The following UBE2W variants were observed in gnomAD, a reference collection of about 807,000 sequenced individuals.
UBE2W encodes the protein ubiquitin-conjugating enzyme E2 W.
Under a neutral mutation model 27.2 loss-of-function variants are expected in UBE2W, and 18 were observed. The ratio of observed to expected loss-of-function variants is 0.66; its 90% CI spans 0.46 to 0.98. The LOEUF (loss-of-function observed/expected upper bound fraction) is 0.98, where lower values mean the gene tolerates loss of function less well. UBE2W is among the 50% of genes least tolerant of loss of function. The pLI, the probability that UBE2W is intolerant of heterozygous loss-of-function variation, is 0.00. For synonymous variants in UBE2W, 53 were observed against 57.2 expected (o/e 0.93, Z 0.33); for missense variants, 90 against 180.2 (o/e 0.50, Z 2.87).
At chr8:73,839,138 T>A (rs949582952) in intron 1 of UBE2W, among the ~76,000 whole-genome samples, 1 of 152,096 alleles carries the variant, frequency 6.6e-6, no homozygotes, top group African/African-American at 2.4e-5. Context: ...CTGGACACCC[T>A]CCACCGGTAA....
chr8:73,877,934 GGGGGATAT>G (rs1304050612), intron 1 of UBE2W, among the ~76,000 whole-genome samples: 2 of 152,180 alleles, frequency 1.3e-5, no homozygotes, highest in African/African-American at 4.8e-5. Context: ...TGCTAAGTCG[GGGGGATAT>G]GGCACAGGTT....
chr8:73,811,379 T>G (rs1469480109), intron 3 of UBE2W, among the ~76,000 whole-genome samples: 1 of 152,142 alleles, frequency 6.6e-6, no homozygotes, highest in East Asian at 1.9e-4. Flanking sequence ...ACAAATATCT[T>G]AAAGTAGTTT....
intron 5 of UBE2W, among the ~76,000 whole-genome samples, chr8:73,799,181 A>G (rs931736732): frequency 1.3e-5 from 2 of 152,122 alleles, no homozygotes; most frequent in Non-Finnish European, 2.9e-5. Flanking sequence ...AAAGACCTCT[A>G]AACACTAATG....
At chr8:73,833,932 T>G (rs982233851) in intron 1 of UBE2W, 3 of 152,164 alleles carry the variant, frequency 2.0e-5, no homozygotes, top group Admixed American at 2.0e-4. Flanking sequence ...GGTCACCATA[T>G]TGATGCCGAA....
chr8:73,870,827 GAA>G (rs60577226), intron 1 of UBE2W, among the ~76,000 whole-genome samples: 7,493 of 99,536 alleles, frequency 0.075, 227 homozygotes, highest in African/African-American at 0.1. Flanking sequence ...TGAGTGAAAA[GAA>G]AAAAAAAAAA....
At chr8:73,805,472 C>CAAACAAAAAAAAAAAAACAAAAACAA (rs1254739442) in intron 5 of UBE2W, among the ~76,000 whole-genome samples, 179 bp downstream of exon 5, 1 of 43,676 alleles carries the variant, frequency 2.3e-5, no homozygotes, top group Non-Finnish European at 5.0e-5. Context: ...AAAAAAAAAA[C>CAAACAAAAAAAAAAAAACAAAAACAA]AAAAAAAACT....
chr8:73,818,272 T>C (rs1017455180), intron 3 of UBE2W, among the ~76,000 whole-genome samples: 1 of 152,192 alleles, frequency 6.6e-6, no homozygotes, highest in African/African-American at 2.4e-5. Context: ...GATTTCAACC[T>C]TTAAAACAGG....
chr8:73,787,022 G>C lies in UBE2W; in HGVS notation c.*7080C>G. On this transcript the variant is annotated 3_prime_UTR_variant, in exon 6 of 6. Transcript: ENST00000602593. The stretch of plus-strand genomic sequence containing the variant: ...ATTAAGTCCCTGAAGGCCAGATACA[G>C]ACATGAGAAGATATTTCCTACCTTA... 1 of 985,402 alleles carries C rather than the reference G, an allele frequency of 1.0e-6. No homozygotes were observed. The highest frequency in any genetic ancestry group is 1.2e-6 in the Non-Finnish European group (1 of 829,922). 61.0% of individuals were successfully genotyped at this position (985,402 alleles called of 1,614,324 possible).
intron 3 of UBE2W, among the ~76,000 whole-genome samples, chr8:73,813,083 C>CAAAA (rs56094830): frequency 0.15 from 6,310 of 43,416 alleles, 2,042 homozygotes; most frequent in East Asian, 0.28. Context: ...GAAAGTGCCA[C>CAAAA]AAAAAAAAAA....
At chr8:73,847,040 G>A (rs554295529) in intron 1 of UBE2W, among the ~76,000 whole-genome samples, 8 of 152,092 alleles carry the variant, frequency 5.3e-5, no homozygotes, top group African/African-American at 1.4e-4. Context: ...GTGGTGGCAC[G>A]CACCTGTAAT....
At chr8:73,797,234 T>C (rs1274328212) in intron 5 of UBE2W, among the ~76,000 whole-genome samples, 3 of 152,130 alleles carry the variant, frequency 2.0e-5, no homozygotes, top group Admixed American at 6.5e-5. Flanking sequence ...AACTATCATA[T>C]AGTTTTCCAA....
chr8:73,866,846 GAGACCAAAATC>G (rs1388464096), intron 1 of UBE2W, among the ~76,000 whole-genome samples: 1 of 151,524 alleles, frequency 6.6e-6, no homozygotes, highest in East Asian at 1.9e-4. Flanking sequence ...TCAGGAAATC[GAGACCAAAATC>G]AGCTAGGTGT....
chr8:73,794,014 TCAAAG>T lies in UBE2W; in HGVS notation c.*83_*87del. The T allele has an allele frequency of 6.3e-7, 1 of 1,590,314 alleles. No individual in the cohort carries two copies. The highest frequency in any genetic ancestry group is 8.6e-7 in the Non-Finnish European group (1 of 1,169,568). The stretch of plus-strand genomic sequence containing the variant: ...TTCATTGCCTATAGGTCACTTCCAG[TCAAAG>T]GTTAAAGTTCAAAGACTGAATGATC... On this transcript the variant is annotated 3_prime_UTR_variant, in exon 6 of 6. Coordinates refer to ENST00000602593, the MANE Select transcript of UBE2W (RefSeq NM_018299.6).
In UBE2W at chr8:73,790,848, CAATT is replaced by C. The variant is rs758149448; in HGVS notation, c.*3250_*3253del. The C allele has an allele frequency of 1.3e-4, 129 of 984,964 alleles. No individual in the cohort carries two copies. The highest frequency in any genetic ancestry group is 1.4e-4 in the Non-Finnish European group (115 of 829,756). 61.0% of individuals were successfully genotyped at this position (984,964 alleles called of 1,614,324 possible). A position where few individuals can be genotyped will look rare whatever the true frequency, so the allele number is the denominator to read the frequency against. ...ATTCATCTTTGATGCAACTTGGAAA[CAATT>C]AAGCAGTCACTAGACACCTGTTTTA... On this transcript the variant is annotated 3_prime_UTR_variant, in exon 6 of 6. Transcript: ENST00000602593.
At position 73,788,225 on chromosome 8, in the gene UBE2W, T is replaced by C. The variant is rs1346671029; in HGVS notation, c.*5877A>G. ...AGTCTGATACATGTATTAAAAAATA[T>C]ATAACATAGATTTGTCTGTTTTAAC... is the stretch of plus-strand genomic sequence containing the variant. On this transcript the variant is annotated 3_prime_UTR_variant, in exon 6 of 6. Coordinates refer to ENST00000602593, the MANE Select transcript of UBE2W (RefSeq NM_018299.6). The C allele has an allele frequency of 1.1e-6, 1 of 942,652 alleles. No homozygotes were observed. The highest frequency in any genetic ancestry group is 1.2e-4 in the East Asian group (1 of 8,602). The allele number at this position is 942,652 out of a possible 1,614,324, so 58.4% of individuals were successfully genotyped here.
At chr8:73,810,342 A>T in intron 4 of UBE2W, 132 bp downstream of exon 4, 1 of 940,876 alleles carries the variant, frequency 1.1e-6, no homozygotes, top group Non-Finnish European at 1.5e-6. Flanking sequence ...ATTACTAAAC[A>T]TGAAATTCCC....
In UBE2W at chr8:73,878,827, G is replaced by A. The variant is rs1167438430; in HGVS notation, c.-5C>T. ...TCTCACCTGCATTGACGCCATGATGGAACCATCCCCCCAAGACCGGCGAGG... is the reference window on the plus strand; with the variant it reads ...TCTCACCTGCATTGACGCCATGATGAAACCATCCCCCCAAGACCGGCGAGG... On this transcript the variant is annotated 5_prime_UTR_variant, in exon 1 of 6. Coordinates refer to ENST00000602593, the MANE Select transcript of UBE2W (RefSeq NM_018299.6). 3 of 1,550,720 alleles carry A rather than the reference G, an allele frequency of 1.9e-6. No individual in the cohort carries two copies. Among genetic ancestry groups the A allele is most frequent in the African/African-American group, 1.4e-5 (1 of 72,910 alleles).
intron 1 of UBE2W, among the ~76,000 whole-genome samples, chr8:73,850,725 TAAAA>T (rs11318665): frequency 3.1e-5 from 2 of 63,588 alleles, no homozygotes; most frequent in South Asian, 6.4e-4. Flanking sequence ...AGCAGGACAT[TAAAA>T]AAAAAAAAAA....
intron 5 of UBE2W, among the ~76,000 whole-genome samples, chr8:73,804,580 T>C (rs1249415303): frequency 1.3e-5 from 2 of 151,840 alleles, no homozygotes; most frequent in East Asian, 3.9e-4. Context: ...GGGATAATGA[T>C]TAGAATAGAG....
Sources: gnomAD v4.1 joint callset for allele counts (sites outside exome capture counted in the v4.1 genomes callset) on GRCh38, gnomAD v4.1.1 for gene constraint, MANE v1.5 for transcripts, NCBI Gene and HGNC (gene_info 2026-07-23, HGNC 2026-07-21) for gene names.